Variants in MKX observed in about 807,000 individuals in gnomAD.
MKX encodes mohawk homeobox, also known as homeobox protein Mohawk.
In MKX, 13 loss-of-function variants were observed where a neutral mutation model predicts 36.0. The ratio of observed to expected loss-of-function variants is 0.36; its 90% CI spans 0.24 to 0.57. The LOEUF (loss-of-function observed/expected upper bound fraction) is 0.57. Ranked by LOEUF, MKX falls within the 20% of genes least tolerant of loss-of-function variation. The probability of loss-of-function intolerance (pLI) is 0.79; values close to 1 mark genes in which losing one functional copy is unlikely to be tolerated. For missense variants in MKX, 458 were observed against 456.4 expected (o/e 1.00, Z -0.03); for synonymous variants, 176 against 178.3 (o/e 0.99, Z 0.10).
intron 5 of MKX, among the ~76,000 whole-genome samples, chr10:27,731,749 A>T (rs1834634940): frequency 6.6e-6 from 1 of 151,998 alleles, no homozygotes; most frequent in Non-Finnish European, 1.5e-5. Context: ...TTTAATAAAA[A>T]CAAGCCACCG....
At position 27,743,401 on chromosome 10, in the gene MKX, G is replaced by T; in HGVS notation, c.15C>A (p.Val5=). ...GCACCGCACCGCTGAGCTTGTTGAAGACGATGGTGTTCATGGTGTCGGTTG... is the reference window on the plus strand; with the variant it reads ...GCACCGCACCGCTGAGCTTGTTGAATACGATGGTGTTCATGGTGTCGGTTG... The part of the protein sequence containing the change: MNTI[V]FNKLSGAVLF... The change falls in exon 2 of 7, where the codon GTC becomes GTA. Residue 5 remains valine (V), a synonymous_variant. Transcript: ENST00000419761. 1 of 1,563,592 alleles carries T rather than the reference G, an allele frequency of 6.4e-7. No individual in the cohort carries two copies. The highest frequency in any genetic ancestry group is 8.6e-7 in the Non-Finnish European group (1 of 1,157,360).
At chr10:27,727,957 G>A (rs1202939306) in intron 5 of MKX, among the ~76,000 whole-genome samples, 1 of 152,180 alleles carries the variant, frequency 6.6e-6, no homozygotes, top group Non-Finnish European at 1.5e-5. Context: ...CTGGAAACTG[G>A]ACTTATGTGA....
intron 5 of MKX, among the ~76,000 whole-genome samples, chr10:27,689,439 A>T (rs1564346650): frequency 1.3e-5 from 2 of 152,168 alleles, no homozygotes; most frequent in Admixed American, 1.3e-4. Flanking sequence ...GGGTTCACAC[A>T]TTTCTATGTT....
At chr10:27,708,608 A>C (rs550101039) in intron 5 of MKX, among the ~76,000 whole-genome samples, 66 of 152,120 alleles carry the variant, frequency 4.3e-4, no homozygotes, top group South Asian at 2.9e-3. Flanking sequence ...GTGCGCCTCT[A>C]GTCTCAGCTA....
At chr10:27,740,183 TCC>T (rs1029115471) in intron 3 of MKX, among the ~76,000 whole-genome samples, 4 of 152,230 alleles carry the variant, frequency 2.6e-5, no homozygotes, top group Non-Finnish European at 1.5e-5. Context: ...TTCCAGTAAT[TCC>T]TAAAGGGAAA....
At chr10:27,682,984 GA>G (rs780669941) in intron 5 of MKX, among the ~76,000 whole-genome samples, 90 of 133,934 alleles carry the variant, frequency 6.7e-4, no homozygotes, top group South Asian at 3.0e-3. Flanking sequence ...ACTCGGTCTC[GA>G]AAAAAAAAAA....
At chr10:27,682,452 C>G (rs1836270060) in intron 5 of MKX, among the ~76,000 whole-genome samples, 1 of 152,116 alleles carries the variant, frequency 6.6e-6, no homozygotes, top group South Asian at 2.1e-4. Context: ...ATTCACTCAC[C>G]ACTCACTTAC....
chr10:27,730,051 C>G (rs1224069082), intron 5 of MKX, among the ~76,000 whole-genome samples: 3 of 151,984 alleles, frequency 2.0e-5, no homozygotes, highest in African/African-American at 7.2e-5. Context: ...ATTCGCTAAG[C>G]TCACATGATA....
At chr10:27,679,341 C>T (rs576836509) in intron 5 of MKX, among the ~76,000 whole-genome samples, 1 of 151,716 alleles carries the variant, frequency 6.6e-6, no homozygotes, top group Non-Finnish European at 1.5e-5. Context: ...TACAACAAAG[C>T]TCAATCTCAA....
chr10:27,687,955 C>T (rs1314704216), intron 5 of MKX, among the ~76,000 whole-genome samples: 1 of 152,186 alleles, frequency 6.6e-6, no homozygotes, highest in Non-Finnish European at 1.5e-5. Context: ...TGGTCAGAGT[C>T]CAGACTCTAG....
Position 27,734,749 on chromosome 10 carries a change from T to C in MKX, c.545A>G (p.Tyr182Cys), listed in dbSNP as rs1173962332. 1.9e-6 allele frequency: 3 copies of C among 1,613,926 alleles called. No homozygotes were observed. Among genetic ancestry groups the C allele is most frequent in the East Asian group, 2.2e-5 (1 of 44,892 alleles). The change falls in exon 5 of 7, where the codon TAT (tyrosine) becomes TGT (cysteine). Residue 182 changes from tyrosine (Y) to cysteine (C), a missense_variant. Tyr to Cys is a radical substitution (Grantham distance 194, BLOSUM62 -2). Around this residue, in one of 3 missense-constraint regions of MKX, gnomAD observed 297 missense variants for 304.4 expected, o/e 0.98. Transcript: ENST00000419761. ...CACAGGATGGTGAACTGGGGTATTA[T>C]AGCCCCCTTCGTTCATGTGGGTTCT... ...PPRTHMNEGGYNTPVHHPVIK... is the reference protein window; with the variant it reads ...PPRTHMNEGGCNTPVHHPVIK...
At chr10:27,737,416 A>G (rs2132646694) in intron 3 of MKX, among the ~76,000 whole-genome samples, 1 of 152,242 alleles carries the variant, frequency 6.6e-6, no homozygotes, top group South Asian at 2.1e-4. Context: ...TAATCACCAT[A>G]CAGTGGAAGA....
intron 5 of MKX, among the ~76,000 whole-genome samples, chr10:27,729,351 T>G (rs1361393703): frequency 2.8e-5 from 4 of 142,970 alleles, no homozygotes; most frequent in African/African-American, 7.8e-5. Flanking sequence ...TGGAGTGCAG[T>G]GGCATGATCT....
At chr10:27,688,221 C>T (rs1403060637) in intron 5 of MKX, among the ~76,000 whole-genome samples, 1 of 151,928 alleles carries the variant, frequency 6.6e-6, no homozygotes, top group Non-Finnish European at 1.5e-5. Context: ...TTAACCTCCT[C>T]TCTCACTTTA....
intron 5 of MKX, among the ~76,000 whole-genome samples, chr10:27,684,914 G>A (rs183750149): frequency 6.6e-6 from 1 of 152,324 alleles, no homozygotes; most frequent in African/African-American, 2.4e-5. Context: ...TAGGGTTCAC[G>A]CTCCTATGAG....
chr10:27,686,031 A>G lies in MKX; in HGVS notation c.839-10477T>C, dbSNP rs552661079. Among the ~76,000 whole-genome samples the G allele has an allele frequency of 6.6e-5, 10 of 152,302 alleles. No individual in the cohort carries two copies. The East Asian group carries it at 1.9e-3, about 29-fold the overall frequency. ...AACTCTTCTACCAGTCCCACTGACC[A>G]AAGTGAGTTTTACTTTAAAACTTTG... On this transcript the variant is annotated intron_variant, in intron 5 of 6. Coordinates refer to ENST00000419761, the MANE Select transcript of MKX (RefSeq NM_173576.3).
chr10:27,676,707 G>A (rs1037869090), intron 5 of MKX, among the ~76,000 whole-genome samples: 1 of 152,144 alleles, frequency 6.6e-6, no homozygotes, highest in Non-Finnish European at 1.5e-5. Context: ...GACAAAGGAT[G>A]GGCAAATAGT....
chr10:27,707,913 T>C (rs1836785051), intron 5 of MKX, among the ~76,000 whole-genome samples: 1 of 152,234 alleles, frequency 6.6e-6, no homozygotes, highest in Non-Finnish European at 1.5e-5. Context: ...AGTGACTTAA[T>C]GTCACACAAG....
intron 5 of MKX, among the ~76,000 whole-genome samples, chr10:27,685,224 T>G (rs1224102108): frequency 3.4e-5 from 1 of 29,198 alleles, no homozygotes; most frequent in South Asian, 1.0e-3. Flanking sequence ...TGGCAAGGCT[T>G]AATGCATTGT....
Sources: allele counts gnomAD v4.1 joint callset (sites outside exome capture counted in the v4.1 genomes callset), GRCh38; gene constraint gnomAD v4.1.1; regional missense constraint gnomAD v4.1.1; transcripts MANE v1.5; gene names NCBI Gene and HGNC (gene_info 2026-07-23, HGNC 2026-07-21).